The following SLC25A48 variants were observed in gnomAD, a reference collection of about 807,000 sequenced individuals.
SLC25A48 encodes CTC-321K16.1.
Under a neutral mutation model 32.2 loss-of-function variants are expected in SLC25A48, and 29 were observed. That is an observed-to-expected ratio of 0.90 (90% confidence interval 0.67 to 1.23). SLC25A48 has a LOEUF of 1.23. Ranked by LOEUF, SLC25A48 falls within the 50% of genes most tolerant of loss-of-function variation. The pLI is 0.00. For missense variants in SLC25A48, 399 were observed against 422.7 expected (o/e 0.94, Z 0.49); for synonymous variants, 164 against 172.3 (o/e 0.95, Z 0.38).
chr5:135,626,757 C>T (rs1278801458), intron 1 of SLC25A48, among the ~76,000 whole-genome samples: 1 of 152,126 alleles, frequency 6.6e-6, no homozygotes, highest in African/African-American at 2.4e-5. Context: ...GCTTTATGGG[C>T]CCATTGGAAT....
intron 3 of SLC25A48, among the ~76,000 whole-genome samples, chr5:135,794,140 C>T (rs1039414783): frequency 6.6e-6 from 1 of 151,650 alleles, no homozygotes; most frequent in Non-Finnish European, 1.5e-5. Flanking sequence ...TGCACATTCC[C>T]CAGTGAGATT....
intron 4 of SLC25A48, among the ~76,000 whole-genome samples, chr5:135,856,627 G>C (rs1039399538): frequency 2.0e-5 from 3 of 152,234 alleles, no homozygotes; most frequent in African/African-American, 7.2e-5. Flanking sequence ...GGGAGACGCA[G>C]GAAAACAAAT....
intron 1 of SLC25A48, among the ~76,000 whole-genome samples, chr5:135,840,191 A>G (rs540051437): frequency 2.6e-5 from 4 of 152,316 alleles, no homozygotes; most frequent in South Asian, 4.2e-4. Context: ...AAAAAATTCT[A>G]TGGTGACATC....
intron 1 of SLC25A48, among the ~76,000 whole-genome samples, chr5:135,599,240 C>T (rs1418204054): frequency 1.3e-5 from 2 of 152,108 alleles, no homozygotes; most frequent in East Asian, 3.9e-4. Context: ...TCCCTGGCCT[C>T]CCAGCTTCCA....
At chr5:135,843,366 G>A (rs1446435719) in intron 2 of SLC25A48, among the ~76,000 whole-genome samples, 5 of 152,174 alleles carry the variant, frequency 3.3e-5, no homozygotes, top group South Asian at 2.1e-4. Context: ...CCTCAGAGCC[G>A]GGCATTGTAG....
At chr5:135,804,296 C>T (rs1378818099) in intron 3 of SLC25A48, among the ~76,000 whole-genome samples, 4 of 151,678 alleles carry the variant, frequency 2.6e-5, no homozygotes, top group African/African-American at 9.7e-5. Context: ...CAAATAATGT[C>T]ACAGGGTTTC....
intron 2 of SLC25A48, among the ~76,000 whole-genome samples, chr5:135,630,253 C>T (rs570480413): frequency 1.3e-5 from 2 of 152,280 alleles, no homozygotes; most frequent in Admixed American, 6.5e-5. Flanking sequence ...TGGCTGGCTT[C>T]CTCCTGCCTC....
chr5:135,818,053 TCCTCTCTCTCTCTC>T (rs1757773128), intron 4 of SLC25A48, among the ~76,000 whole-genome samples: 3 of 46,558 alleles, frequency 6.4e-5, no homozygotes, highest in African/African-American at 3.1e-4. Context: ...TTCTCTCTGT[TCCTCTCTCTCTCTC>T]TCTCTCTCTC....
intron 3 of SLC25A48, among the ~76,000 whole-genome samples, chr5:135,727,195 T>C (rs1233715301): frequency 2.7e-5 from 4 of 150,620 alleles, no homozygotes; most frequent in African/African-American, 9.7e-5. Flanking sequence ...TATATATATA[T>C]ATATATATAC....
At chr5:135,753,718 TAGC>T (rs923999027) in intron 3 of SLC25A48, among the ~76,000 whole-genome samples, 4 of 151,832 alleles carry the variant, frequency 2.6e-5, no homozygotes, top group South Asian at 2.1e-4. Context: ...ACTATGATAT[TAGC>T]AGTGAGAATA....
intron 3 of SLC25A48, among the ~76,000 whole-genome samples, chr5:135,683,972 A>C (rs1371614299): frequency 1.3e-5 from 2 of 152,194 alleles, no homozygotes; most frequent in Admixed American, 1.3e-4. Context: ...TTAGGATTTC[A>C]GCCTGGCAGA....
At chr5:135,777,499 A>C (rs1226480574) in intron 3 of SLC25A48, among the ~76,000 whole-genome samples, 2 of 151,350 alleles carry the variant, frequency 1.3e-5, no homozygotes, top group African/African-American at 4.9e-5. Context: ...GGGGGAGAGG[A>C]TAATATTACT....
intron 3 of SLC25A48, among the ~76,000 whole-genome samples, chr5:135,732,212 G>A (rs562114855): frequency 2.0e-5 from 3 of 152,342 alleles, no homozygotes; most frequent in Admixed American, 6.5e-5. Context: ...TGAAGATTGA[G>A]GACCGTAAGG....
At chr5:135,692,146 T>C (rs1349791153) in intron 3 of SLC25A48, among the ~76,000 whole-genome samples, 2 of 152,042 alleles carry the variant, frequency 1.3e-5, no homozygotes, top group Non-Finnish European at 2.9e-5. Context: ...TGAAACCCCA[T>C]CTCTACTAAA....
intron 7 of SLC25A48, among the ~76,000 whole-genome samples, chr5:135,885,640 G>A (rs1561567009): frequency 6.6e-6 from 1 of 152,182 alleles, no homozygotes; most frequent in Non-Finnish European, 1.5e-5. Flanking sequence ...CAGAGCCAGG[G>A]CTGAGTCTTC....
At chr5:135,641,156 C>A (rs1020848057) in intron 3 of SLC25A48, among the ~76,000 whole-genome samples, 3 of 152,116 alleles carry the variant, frequency 2.0e-5, no homozygotes, top group Admixed American at 6.5e-5. Flanking sequence ...TCAACATACA[C>A]GATTAATCAG....
chr5:135,627,179 T>C (rs1030960007), intron 1 of SLC25A48, among the ~76,000 whole-genome samples: 4 of 152,200 alleles, frequency 2.6e-5, no homozygotes, highest in Non-Finnish European at 5.9e-5. Flanking sequence ...GGTGGCTGAC[T>C]GCTCGAGCTA....
In SLC25A48 at chr5:135,863,971, T is replaced by C. The variant is rs1242293492; in HGVS notation, c.422-7490T>C. ...ATTCTTGAGGGCAAGTGGGAGGAAG[T>C]TGAGGGAATTGATGTCAGAAGCCCT... On this transcript the variant is annotated intron_variant, in intron 4 of 7. Transcript: ENST00000681962. 3.3e-5 allele frequency among the ~76,000 whole-genome samples: 5 copies of C among 151,828 alleles called. No homozygotes were observed. In the East Asian group the frequency reaches 9.7e-4, roughly 29 times the overall value.
At chr5:135,775,149 C>G (rs138139322) in intron 3 of SLC25A48, among the ~76,000 whole-genome samples, 1 of 151,616 alleles carries the variant, frequency 6.6e-6, no homozygotes, top group South Asian at 2.1e-4. Flanking sequence ...TTTTTAATAT[C>G]CAGTGGAAAA....
Sources: gnomAD v4.1 joint callset for allele counts (sites outside exome capture counted in the v4.1 genomes callset) on GRCh38, gnomAD v4.1.1 for gene constraint, MANE v1.5 for transcripts, NCBI Gene and HGNC (gene_info 2026-07-23, HGNC 2026-07-21) for gene names.